The following PTPRK variants were observed in gnomAD, a reference collection of about 807,000 sequenced individuals.
PTPRK encodes the protein protein tyrosine phosphatase receptor type K, also known as receptor-type tyrosine-protein phosphatase kappa.
A neutral mutation model predicts 178.0 loss-of-function variants in PTPRK; 75 were observed. The observed-to-expected ratio is 0.42, with a 90% CI of 0.35 to 0.51. The LOEUF is 0.51. PTPRK is among the 20% of genes least tolerant of loss of function. The probability of loss-of-function intolerance (pLI) is 0.02; values close to 1 mark genes in which losing one functional copy is unlikely to be tolerated. For missense variants in PTPRK, 1,441 were observed against 1,797.8 expected (o/e 0.80, Z 3.59); for synonymous variants, 637 against 620.6 (o/e 1.03, Z -0.39).
intron 1 of PTPRK, among the ~76,000 whole-genome samples, chr6:128,421,404 G>A (rs893490784): frequency 6.6e-6 from 1 of 152,184 alleles, no homozygotes; most frequent in Non-Finnish European, 1.5e-5. Flanking sequence ...GAAGATATTA[G>A]TCAGTCTCTT....
intron 1 of PTPRK, among the ~76,000 whole-genome samples, chr6:128,491,350 G>A (rs1205090024): frequency 6.6e-6 from 1 of 152,188 alleles, no homozygotes; most frequent in Non-Finnish European, 1.5e-5. Flanking sequence ...CAAAACATGG[G>A]TGGTTAATAT....
chr6:128,247,629 C>G (rs887914715), intron 3 of PTPRK, among the ~76,000 whole-genome samples: 3 of 152,082 alleles, frequency 2.0e-5, no homozygotes, highest in African/African-American at 7.2e-5. Context: ...TAGTTCGTAC[C>G]CTTTAACTGT....
intron 3 of PTPRK, among the ~76,000 whole-genome samples, chr6:128,316,016 G>A (rs1347641562): frequency 6.6e-6 from 1 of 152,084 alleles, no homozygotes; most frequent in Non-Finnish European, 1.5e-5. Flanking sequence ...CAACATAATT[G>A]AAGACAAAAA....
intron 3 of PTPRK, among the ~76,000 whole-genome samples, chr6:128,294,600 A>C (rs1407525421): frequency 6.6e-6 from 1 of 152,104 alleles, no homozygotes; most frequent in African/African-American, 2.4e-5. Flanking sequence ...TTTTGGGAAA[A>C]GATACAAAGT....
At chr6:128,151,882 TA>T in intron 7 of PTPRK, among the ~76,000 whole-genome samples, 1 of 152,036 alleles carries the variant, frequency 6.6e-6, no homozygotes, top group African/African-American at 2.4e-5. Flanking sequence ...AAATAGAGTA[TA>T]ATCAGGGAAA....
chr6:128,094,168 G>A (rs998715723), intron 7 of PTPRK, among the ~76,000 whole-genome samples: 1 of 152,180 alleles, frequency 6.6e-6, no homozygotes, highest in Non-Finnish European at 1.5e-5. Flanking sequence ...GGGAAAAGAT[G>A]AGGCAAACTT....
chr6:128,230,980 A>G (rs1812199380), intron 5 of PTPRK: 1 of 152,224 alleles, frequency 6.6e-6, no homozygotes, highest in African/African-American at 2.4e-5. Flanking sequence ...AAAGAAGGAA[A>G]AGAAAGCTTT....
intron 5 of PTPRK, among the ~76,000 whole-genome samples, chr6:128,221,992 T>A (rs1333280709): frequency 6.6e-6 from 1 of 152,176 alleles, no homozygotes; most frequent in East Asian, 1.9e-4. Context: ...ACTTTTGTTA[T>A]ACAACCTTAT....
intron 13 of PTPRK, among the ~76,000 whole-genome samples, chr6:128,039,664 A>G (rs927323225): frequency 6.6e-6 from 1 of 152,230 alleles, no homozygotes; most frequent in Non-Finnish European, 1.5e-5. Context: ...TCTTCCAAAG[A>G]ACGTGTCTTA....
intron 2 of PTPRK, among the ~76,000 whole-genome samples, 162 bp from the exon 3 acceptor site, chr6:128,322,472 C>G (rs1828938591): frequency 6.6e-6 from 1 of 152,028 alleles, no homozygotes. Context: ...AGTAGATGAA[C>G]TGAATTCTTA....
chr6:128,326,976 G>T (rs1829669971), intron 2 of PTPRK, among the ~76,000 whole-genome samples: 1 of 151,478 alleles, frequency 6.6e-6, no homozygotes, highest in African/African-American at 2.4e-5. Flanking sequence ...ATACAAATAG[G>T]ATCCTATAAA....
intron 2 of PTPRK, among the ~76,000 whole-genome samples, chr6:128,394,030 C>T (rs1839970217): frequency 6.6e-6 from 1 of 152,124 alleles, no homozygotes; most frequent in Admixed American, 6.6e-5. Context: ...TACCCAAACC[C>T]TCCTTCAAGT....
chr6:128,495,951 C>A (rs1250545713), intron 1 of PTPRK, among the ~76,000 whole-genome samples: 1 of 152,188 alleles, frequency 6.6e-6, no homozygotes, highest in Non-Finnish European at 1.5e-5. Flanking sequence ...TATCTCCTGC[C>A]TAGCTTTCCT....
intron 7 of PTPRK, among the ~76,000 whole-genome samples, chr6:128,106,678 T>A (rs1191436774): frequency 6.6e-6 from 1 of 152,186 alleles, no homozygotes; most frequent in Admixed American, 6.5e-5. Context: ...TGTCTTTTTA[T>A]CTACAAGTGA....
At position 127,990,750 on chromosome 6, in the gene PTPRK, A is replaced by G. The variant is rs759437769; in HGVS notation, c.3096+19T>C. On this transcript the variant is annotated intron_variant, in intron 21 of 29. Transcript: ENST00000368226. ...CAGTTTTGATATCACTTTTTAAAAT[A>G]GAATTTTAGAGTACTTACCCTTTCC... 6.7e-7 allele frequency: 1 copy of G among 1,496,484 alleles called. No homozygotes were observed. The highest frequency in any genetic ancestry group is 2.3e-5 in the East Asian group (1 of 44,184). The allele number at this position is 1,496,484 out of a possible 1,614,324, so 92.7% of individuals were successfully genotyped here. A position where few individuals can be genotyped will look rare whatever the true frequency, so the allele number is the denominator to read the frequency against.
intron 3 of PTPRK, chr6:128,321,466 C>A: frequency 7.9e-6 from 2 of 253,616 alleles, no homozygotes; most frequent in Non-Finnish European, 1.5e-5. Flanking sequence ...AACAAACATC[C>A]AAAGCTTTGT....
chr6:128,463,182 T>C (rs146128068), intron 1 of PTPRK, among the ~76,000 whole-genome samples: 102 of 152,290 alleles, frequency 6.7e-4, no homozygotes, highest in African/African-American at 2.2e-3. Context: ...GCCCCCTATA[T>C]GACAAATGCA....
chr6:128,336,459 G>C (rs1830944190), intron 2 of PTPRK, among the ~76,000 whole-genome samples: 1 of 152,122 alleles, frequency 6.6e-6, no homozygotes, highest in South Asian at 2.1e-4. Flanking sequence ...CCTACCCCAA[G>C]GCGCTGGGAA....
Position 128,322,233 on chromosome 6 carries a change from TCTC to T in PTPRK, c.298_300del (p.Glu100del), listed in dbSNP as rs1828897567. On this transcript the variant is annotated inframe_deletion, in exon 3 of 30. Transcript: ENST00000368226. Reference sequence around the variant, plus strand: ...CTGAAATCAATGCAGTGAGTGTCGTTCTCCTTCATTGTAGGCAGCTGAAGTCTG... The same window carrying T: ...CTGAAATCAATGCAGTGAGTGTCGTTCTTCATTGTAGGCAGCTGAAGTCTG... The T allele has an allele frequency of 6.2e-7, 1 of 1,613,362 alleles. No individual in the cohort carries two copies. The highest frequency in any genetic ancestry group is 8.5e-7 in the Non-Finnish European group (1 of 1,179,534).
Sources: allele counts gnomAD v4.1 joint callset (sites outside exome capture counted in the v4.1 genomes callset), GRCh38; gene constraint gnomAD v4.1.1; transcripts MANE v1.5; gene names NCBI Gene and HGNC (gene_info 2026-07-23, HGNC 2026-07-21).